The following PECAM1 variants were observed in gnomAD, a reference collection of about 807,000 sequenced individuals.
PECAM1 encodes platelet and endothelial cell adhesion molecule 1.
Under a neutral mutation model 13.8 loss-of-function variants are expected in PECAM1, and 8 were observed. The observed-to-expected ratio is 0.58, with a 90% CI of 0.34 to 1.05. PECAM1 has a LOEUF of 1.05. Among genes scored for constraint, PECAM1 ranks in the 50% least tolerant of loss-of-function variants. The pLI, the probability that PECAM1 is intolerant of heterozygous loss-of-function variation, is 0.03. For synonymous variants in PECAM1, 136 were observed against 52.6 expected, an observed-to-expected ratio of 2.58 and a Z score of -6.86; for missense variants, 304 against 141.2, an observed-to-expected ratio of 2.15 and a Z score of -5.84.
intron 2 of PECAM1, among the ~76,000 whole-genome samples, chr17:64,379,496 C>G (rs2036435493): frequency 6.6e-6 from 1 of 152,116 alleles, no homozygotes; most frequent in African/African-American, 2.4e-5. Context: ...TCAGAGCAGA[C>G]CAGGGTGAAC....
chr17:64,335,989 C>T lies in PECAM1; in HGVS notation c.2164+5645G>A, dbSNP rs60831772. 8.1e-4 allele frequency among the ~76,000 whole-genome samples: 123 copies of T among 152,228 alleles called. 1 individual carries two copies. The East Asian group carries it at 0.019, about 24-fold the overall frequency. On this transcript the variant is annotated intron_variant, in intron 14 of 15. Transcript: ENST00000563924. ...AATAAGAAATGATGATCTGGCCGGG[C>T]GTGGTGTCTCACACCTGTTATCCCA... is the stretch of plus-strand genomic sequence containing the variant.
intron 5 of PECAM1, among the ~76,000 whole-genome samples, chr17:64,367,706 T>G (rs1282136993): frequency 3.9e-5 from 6 of 152,120 alleles, no homozygotes; most frequent in Non-Finnish European, 7.3e-5. Context: ...ACTGGTCTAG[T>G]TATGTCTATG....
In PECAM1 at chr17:64,373,526, CTGTG is replaced by C. The variant is rs199493363; in HGVS notation, c.691+1521_691+1524del. The stretch of plus-strand genomic sequence containing the variant: ...TTTGTAAAAACAAAAGATGTTTTTT[CTGTG>C]TGTGTGTGTGTGTGTGTGTGTGTGG... On this transcript the variant is annotated intron_variant, in intron 4 of 15. Transcript: ENST00000563924. Among the ~76,000 whole-genome samples the C allele has an allele frequency of 2.9e-3, 436 of 148,726 alleles. 3 individuals are homozygous for C. Among genetic ancestry groups the C allele is most frequent in the African/African-American group, 7.7e-3 (314 of 40,596 alleles).
intron 14 of PECAM1, among the ~76,000 whole-genome samples, chr17:64,332,544 G>A (rs1232297505): frequency 2.0e-5 from 3 of 152,090 alleles, no homozygotes; most frequent in East Asian, 3.9e-4. Flanking sequence ...TTTTTCATGG[G>A]GATACTTTTT....
chr17:64,334,239 GCT>G (rs2035208103), intron 14 of PECAM1, among the ~76,000 whole-genome samples: 1 of 151,970 alleles, frequency 6.6e-6, no homozygotes, highest in African/African-American at 2.4e-5. Context: ...CCAGCGCCCA[GCT>G]CTCTCTCCTC....
Position 64,321,686 on chromosome 17 carries a change from A to G in PECAM1, c.*2130T>C. On this transcript the variant is annotated 3_prime_UTR_variant, in exon 16 of 16. Transcript: ENST00000563924. The stretch of plus-strand genomic sequence containing the variant: ...TGAGATGGGAGGATCGCTTGAGCCC[A>G]GGGGTTCGAGGCTGCGGTGAGCCAT... 1.3e-6 allele frequency: 1 copy of G among 741,702 alleles called. No homozygotes were observed. Among genetic ancestry groups the G allele is most frequent in the Non-Finnish European group, 1.8e-6 (1 of 553,844 alleles). 45.9% of individuals were successfully genotyped at this position (741,702 alleles called of 1,614,324 possible).
intron 14 of PECAM1, among the ~76,000 whole-genome samples, chr17:64,337,706 C>T (rs1399477827): frequency 1.3e-5 from 2 of 152,038 alleles, no homozygotes; most frequent in Admixed American, 6.6e-5. Flanking sequence ...GTTCCAACAG[C>T]CCGGACTGAG....
intron 7 of PECAM1, among the ~76,000 whole-genome samples, chr17:64,359,883 G>C (rs928227277): frequency 6.6e-6 from 1 of 152,138 alleles, no homozygotes; most frequent in African/African-American, 2.4e-5. Flanking sequence ...CTCCCGAGTG[G>C]CTGGGATTAT....
chr17:64,353,306 TACACACACACACACACAC>T (rs138867178), intron 10 of PECAM1, among the ~76,000 whole-genome samples, 167 bp downstream of exon 10: 1 of 28,302 alleles, frequency 3.5e-5, no homozygotes, highest in African/African-American at 4.4e-5. Context: ...TCCACGGAGG[TACACACACACACACACAC>T]ACACACACAC....
At chr17:64,361,352 G>C (rs1568026176) in intron 6 of PECAM1, among the ~76,000 whole-genome samples, 1 of 151,936 alleles carries the variant, frequency 6.6e-6, no homozygotes, top group Non-Finnish European at 1.5e-5. Flanking sequence ...CACCATGTTG[G>C]CCAGGCTGGC....
intron 13 of PECAM1, 25 bp from the exon 14 acceptor site, chr17:64,341,715 T>C: frequency 2.3e-6 from 1 of 425,888 alleles, no homozygotes; most frequent in Non-Finnish European, 4.3e-6. Context: ...AGGCATAAGT[T>C]AGTAGCTGCC....
At chr17:64,379,998 C>T (rs1487708386) in intron 2 of PECAM1, among the ~76,000 whole-genome samples, 2 of 149,500 alleles carry the variant, frequency 1.3e-5, no homozygotes, top group African/African-American at 4.9e-5. Context: ...GCACTCCAGC[C>T]TAGGTGACAG....
intron 7 of PECAM1, among the ~76,000 whole-genome samples, chr17:64,358,212 G>A (rs2035891463): frequency 7.2e-6 from 1 of 138,658 alleles, no homozygotes; most frequent in Non-Finnish European, 1.5e-5. Context: ...TCTGCCTCCT[G>A]GATTCAAGTG....
At chr17:64,350,754 A>C (rs1184833055) in intron 11 of PECAM1, among the ~76,000 whole-genome samples, 2 of 148,536 alleles carry the variant, frequency 1.3e-5, no homozygotes, top group Non-Finnish European at 3.0e-5. Flanking sequence ...CGATTCTCCT[A>C]GTCTCGCTTT....
At chr17:64,350,803 T>C (rs1307391467) in intron 11 of PECAM1, among the ~76,000 whole-genome samples, 2 of 151,990 alleles carry the variant, frequency 1.3e-5, no homozygotes, top group African/African-American at 4.8e-5. Context: ...CCTCAAGTGA[T>C]CCTCCCACCT....
intron 14 of PECAM1, among the ~76,000 whole-genome samples, chr17:64,337,671 C>CTA (rs2035315545): frequency 6.6e-6 from 1 of 152,076 alleles, no homozygotes; most frequent in Non-Finnish European, 1.5e-5. Flanking sequence ...TCTACGATGC[C>CTA]TATAGTTTCT....
chr17:64,379,419 G>A (rs1015623871), intron 2 of PECAM1, among the ~76,000 whole-genome samples: 12 of 152,184 alleles, frequency 7.9e-5, no homozygotes, highest in Non-Finnish European at 1.5e-4. Context: ...GTGGGCAACT[G>A]CCCTGAAAAT....
At chr17:64,387,770 C>T (rs934099187) in intron 2 of PECAM1, among the ~76,000 whole-genome samples, 10 of 152,252 alleles carry the variant, frequency 6.6e-5, no homozygotes, top group South Asian at 2.1e-4. Flanking sequence ...ATGGAGCAGC[C>T]GTCACCTCCT....
At chr17:64,344,575 G>T (rs1421771754) in intron 13 of PECAM1, among the ~76,000 whole-genome samples, 2 of 151,880 alleles carry the variant, frequency 1.3e-5, no homozygotes, top group East Asian at 3.9e-4. Context: ...AGCTGGATGT[G>T]GTTCCCAACC....
Sources: allele counts gnomAD v4.1 joint callset (sites outside exome capture counted in the v4.1 genomes callset), GRCh38; gene constraint gnomAD v4.1.1; transcripts MANE v1.5; gene names NCBI Gene and HGNC (gene_info 2026-07-23, HGNC 2026-07-21).